Variants in CNTLN observed in about 807,000 individuals in gnomAD.
CNTLN encodes centlein, centrosomal protein.
In CNTLN, 212 loss-of-function variants were observed where a neutral mutation model predicts 180.0. The ratio of observed to expected loss-of-function variants is 1.18; its 90% CI spans 1.05 to 1.32. CNTLN has a LOEUF of 1.32. Among genes scored for constraint, CNTLN ranks in the 40% most tolerant of loss-of-function variants. CNTLN has a pLI of 0.00. For synonymous variants in CNTLN, 722 were observed against 563.1 expected (o/e 1.28, Z -3.99); for missense variants, 2,095 against 1,610.9 (o/e 1.30, Z -5.14).
At chr9:17,198,386 CTTTTTTT>C (rs61209273) in intron 2 of CNTLN, among the ~76,000 whole-genome samples, 12 of 109,708 alleles carry the variant, frequency 1.1e-4, no homozygotes, top group South Asian at 3.0e-4. Context: ...TCTTTTCTTT[CTTTTTTT>C]TTTTTTTTTT....
In CNTLN at chr9:17,273,174, A is replaced by G. The variant is rs559681331; in HGVS notation, c.850-559A>G. 1.2e-3 allele frequency among the ~76,000 whole-genome samples: 144 copies of G among 117,890 alleles called. 2 individuals carry two copies. In the South Asian group the frequency reaches 0.03, roughly 25 times the overall value. 77.3% of individuals were successfully genotyped at this position (117,890 alleles called of 152,430 possible). On this transcript the variant is annotated intron_variant, in intron 5 of 25. Transcript: ENST00000380647. ...ACACCTAATTTTAAAATCCTTTCAC[A>G]ATGAAAAATATTTAGAGAATGATCA...
At chr9:17,280,299 C>T (rs148380540) in intron 6 of CNTLN, among the ~76,000 whole-genome samples, 5 of 152,128 alleles carry the variant, frequency 3.3e-5, no homozygotes, top group Admixed American at 2.6e-4. Flanking sequence ...GTCCTTAATT[C>T]CCTTTGATCT....
At chr9:17,301,434 G>A (rs892190803) in intron 7 of CNTLN, 3 of 985,282 alleles carry the variant, frequency 3.0e-6, no homozygotes, top group African/African-American at 1.7e-5. Flanking sequence ...AAACTGAGAT[G>A]TGCTAACCTA....
At chr9:17,169,148 C>A (rs2131636947) in intron 2 of CNTLN, among the ~76,000 whole-genome samples, 1 of 152,196 alleles carries the variant, frequency 6.6e-6, no homozygotes, top group East Asian at 1.9e-4. Context: ...CAGGTGTGCA[C>A]CCAACATGTT....
intron 15 of CNTLN, among the ~76,000 whole-genome samples, chr9:17,400,172 C>T (rs1055700236): frequency 6.6e-6 from 1 of 152,168 alleles, no homozygotes; most frequent in African/African-American, 2.4e-5. Context: ...GAGTCTTACC[C>T]TGTCACCCAG....
intron 13 of CNTLN, among the ~76,000 whole-genome samples, chr9:17,373,287 A>T (rs1436038288): frequency 6.6e-6 from 1 of 152,208 alleles, no homozygotes; most frequent in Non-Finnish European, 1.5e-5. Context: ...AGTGGAGGAT[A>T]CAAAATCAAC....
chr9:17,387,054 T>C (rs1413262498), intron 13 of CNTLN, among the ~76,000 whole-genome samples: 1 of 152,206 alleles, frequency 6.6e-6, no homozygotes, highest in Non-Finnish European at 1.5e-5. Context: ...ATCCTTCGGA[T>C]ACTGTTCTAA....
Position 17,366,628 on chromosome 9 carries a change from A to G in CNTLN, c.1898A>G (p.Glu633Gly), listed in dbSNP as rs1379382108. ...TTGCTTTTTCATAGGATGAATCTTG[A>G]AGAAGAATTAGATGAACTTAAAGTA... ...QELMIQKMNLEEELDELKVHI... is the reference protein window; with the variant it reads ...QELMIQKMNLGEELDELKVHI... The change falls in exon 13 of 26, where the codon GAA becomes GGA. Residue 633 changes from glutamate to glycine, a missense_variant. Transcript: ENST00000380647. 3.0e-5 allele frequency: 45 copies of G among 1,508,064 alleles called. No homozygotes were observed. In the East Asian group the frequency reaches 1.0e-3, roughly 34 times the overall value. The allele number at this position is 1,508,064 out of a possible 1,614,324, so 93.4% of individuals were successfully genotyped here. A position where few individuals can be genotyped will look rare whatever the true frequency, so the allele number is the denominator to read the frequency against.
chr9:17,418,295 T>A (rs1161043790), intron 18 of CNTLN, among the ~76,000 whole-genome samples: 2 of 152,014 alleles, frequency 1.3e-5, no homozygotes, highest in Non-Finnish European at 2.9e-5. Flanking sequence ...ATTTGAATAT[T>A]CTGTACATAT....
At chr9:17,447,878 G>C (rs1029776754) in intron 18 of CNTLN, 1 of 152,776 alleles carries the variant, frequency 6.5e-6, no homozygotes, top group African/African-American at 2.4e-5. Flanking sequence ...GGTGTGGCTG[G>C]TCTTTCATAT....
intron 24 of CNTLN, 78 bp downstream of exon 24, chr9:17,484,558 C>A (rs573728000): frequency 8.5e-7 from 1 of 1,182,432 alleles, no homozygotes; most frequent in Non-Finnish European, 1.2e-6. Context: ...TTGTTTTATA[C>A]CTCTTAGAAT....
At chr9:17,413,825 A>G (rs995492804) in intron 16 of CNTLN, among the ~76,000 whole-genome samples, 1 of 152,184 alleles carries the variant, frequency 6.6e-6, no homozygotes, top group Admixed American at 6.5e-5. Flanking sequence ...TTAAAAACTA[A>G]ACTTACCATA....
chr9:17,408,128 C>CAAAA (rs34374959), intron 15 of CNTLN, among the ~76,000 whole-genome samples: 623 of 58,600 alleles, frequency 0.011, 48 homozygotes, highest in Middle Eastern at 0.038. Context: ...GACTCTGTCT[C>CAAAA]AAAAAAAAAA....
intron 8 of CNTLN, among the ~76,000 whole-genome samples, chr9:17,324,208 C>A (rs1191625877): frequency 1.3e-5 from 2 of 151,826 alleles, no homozygotes; most frequent in Non-Finnish European, 2.9e-5. Context: ...TGGCTTATAC[C>A]CCGAAGTCAC....
chr9:17,492,878 A>G (rs1833241888), intron 25 of CNTLN, among the ~76,000 whole-genome samples: 1 of 152,204 alleles, frequency 6.6e-6, no homozygotes, highest in Non-Finnish European at 1.5e-5. Context: ...AATGTGGTTT[A>G]TGCATACAGT....
intron 8 of CNTLN, among the ~76,000 whole-genome samples, chr9:17,325,565 ACACACACACACG>A (rs1820228215): frequency 7.1e-6 from 1 of 140,376 alleles, no homozygotes; most frequent in Non-Finnish European, 1.6e-5. Flanking sequence ...TTACACACAC[ACACACACACACG>A]CACACACACA....
At chr9:17,463,158 A>C (rs1831548610) in intron 20 of CNTLN, 145 bp downstream of exon 20, 5 of 505,616 alleles carry the variant, frequency 9.9e-6, no homozygotes, top group Non-Finnish European at 1.8e-5. Context: ...AGTTTAAGGA[A>C]TACTATGTAT....
At chr9:17,528,416 C>A in the CNTLN span, among the ~76,000 whole-genome samples, 56 of 152,330 alleles carry the variant, frequency 3.7e-4, no homozygotes, top group East Asian at 5.8e-3. Flanking sequence ...ATTAGACAAA[C>A]GCCAGTGAAG....
chr9:17,299,578 C>G, intron 7 of CNTLN: 2 of 985,174 alleles, frequency 2.0e-6, no homozygotes, highest in Non-Finnish European at 2.4e-6. Context: ...TTTGTGTTGC[C>G]TTTGTGTTTT....
Sources: gnomAD v4.1 joint callset for allele counts (sites outside exome capture counted in the v4.1 genomes callset) on GRCh38, gnomAD v4.1.1 for gene constraint, MANE v1.5 for transcripts, NCBI Gene and HGNC (gene_info 2026-07-23, HGNC 2026-07-21) for gene names.